The following FAM13A variants were observed in gnomAD, a reference collection of about 807,000 sequenced individuals.
FAM13A encodes protein FAM13A.
Under a neutral mutation model 129.6 loss-of-function variants are expected in FAM13A, and 76 were observed. That is an observed-to-expected ratio of 0.59 (90% CI 0.49 to 0.71). The LOEUF (loss-of-function observed/expected upper bound fraction) is 0.71. Among genes scored for constraint, FAM13A ranks in the 30% least tolerant of loss-of-function variants. The probability of loss-of-function intolerance (pLI) is 0.00; values close to 1 mark genes in which losing one functional copy is unlikely to be tolerated. For synonymous variants in FAM13A, 443 were observed against 449.9 expected, an observed-to-expected ratio of 0.98 and a Z score of 0.20; for missense variants, 1,108 against 1,249.3, an observed-to-expected ratio of 0.89 and a Z score of 1.70.
At chr4:88,782,073 A>G (rs1239499083) in intron 10 of FAM13A, among the ~76,000 whole-genome samples, 1 of 152,082 alleles carries the variant, frequency 6.6e-6, no homozygotes, top group African/African-American at 2.4e-5. Context: ...AGATAATCTT[A>G]GTAGAAATTA....
At chr4:88,986,182 G>A (rs1415899937) in intron 4 of FAM13A, among the ~76,000 whole-genome samples, 1 of 149,654 alleles carries the variant, frequency 6.7e-6, no homozygotes, top group Non-Finnish European at 1.5e-5. Flanking sequence ...CTCCCAGGCT[G>A]GAGTGCAGTG....
At chr4:88,922,531 C>A (rs981790084) in intron 5 of FAM13A, among the ~76,000 whole-genome samples, 146 of 152,068 alleles carry the variant, frequency 9.6e-4, no homozygotes, top group Admixed American at 1.9e-3. Context: ...ATACCAGAAT[C>A]TCTGGGACAC....
chr4:88,907,782 T>C (rs749183131), intron 5 of FAM13A, among the ~76,000 whole-genome samples: 8 of 152,236 alleles, frequency 5.3e-5, no homozygotes, highest in Non-Finnish European at 1.2e-4. Context: ...ATCTCCGATA[T>C]ACCATACTTG....
chr4:89,056,844 A>G, intron 1 of FAM13A, 94 bp downstream of exon 1: 1 of 1,233,554 alleles, frequency 8.1e-7, no homozygotes, highest in Non-Finnish European at 1.2e-6. Flanking sequence ...AAGGAAAAAT[A>G]AGTTACACAA....
intron 1 of FAM13A, among the ~76,000 whole-genome samples, chr4:89,032,244 CAA>C (rs778575945): frequency 4.5e-5 from 6 of 133,518 alleles, no homozygotes; most frequent in African/African-American, 2.7e-5. Context: ...GACTCCGTCT[CAA>C]AAAAAAAAAA....
chr4:88,796,117 G>A (rs1237813202), intron 8 of FAM13A, among the ~76,000 whole-genome samples: 1 of 151,746 alleles, frequency 6.6e-6, no homozygotes, highest in Non-Finnish European at 1.5e-5. Flanking sequence ...TTCTGAATGT[G>A]TGGCTGATTT....
chr4:88,914,222 T>C (rs965464067), intron 5 of FAM13A, among the ~76,000 whole-genome samples: 1 of 152,182 alleles, frequency 6.6e-6, no homozygotes, highest in South Asian at 2.1e-4. Context: ...ATCATAACCA[T>C]CATTGTTCAC....
intron 20 of FAM13A, 133 bp from the exon 21 acceptor site, chr4:88,737,688 C>T (rs1210771302): frequency 1.4e-6 from 1 of 722,404 alleles, no homozygotes; most frequent in Non-Finnish European, 2.4e-6. Flanking sequence ...GCCAAACACT[C>T]CCAGGAAAAC....
At position 88,747,013 on chromosome 4, in the gene FAM13A, A is replaced by G; in HGVS notation, c.2385T>C (p.Asp795=). The change falls in exon 19 of 24, where the codon GAT becomes GAC. Residue 795 remains aspartate, a splice_region_variant and synonymous_variant. Transcript: ENST00000264344. Reference sequence around the variant, plus strand: ...CATTAGCAATCTGGTCTTTGGTCATATCCTGTATAAACACAGGGATAGAGA... The same window carrying G: ...CATTAGCAATCTGGTCTTTGGTCATGTCCTGTATAAACACAGGGATAGAGA... ...AESSRPEDIK[D]MTKDQIANEK... is the part of the protein sequence containing the mutation. 1 of 1,601,464 alleles carries G rather than the reference A, an allele frequency of 6.2e-7. No individual in the cohort carries two copies. Among genetic ancestry groups the G allele is most frequent in the Non-Finnish European group, 8.6e-7 (1 of 1,168,496 alleles).
intron 4 of FAM13A, among the ~76,000 whole-genome samples, chr4:88,947,440 A>C (rs1426127947): frequency 6.6e-6 from 1 of 152,116 alleles, no homozygotes; most frequent in African/African-American, 2.4e-5. Flanking sequence ...ACAGAAATGA[A>C]GTCGCCCATG....
At chr4:88,775,448 G>C (rs1245491775) in intron 11 of FAM13A, among the ~76,000 whole-genome samples, 1 of 152,154 alleles carries the variant, frequency 6.6e-6, no homozygotes, top group African/African-American at 2.4e-5. Flanking sequence ...CGTCACTCCT[G>C]TAATCCCAGC....
chr4:88,878,204 T>C (rs556226782), intron 6 of FAM13A, among the ~76,000 whole-genome samples: 41 of 140,210 alleles, frequency 2.9e-4, no homozygotes, highest in East Asian at 1.5e-3. Context: ...AGGAGAATGG[T>C]GTGAACCCGG....
intron 6 of FAM13A, among the ~76,000 whole-genome samples, chr4:88,881,609 T>C (rs1372655699): frequency 1.3e-5 from 2 of 151,962 alleles, no homozygotes; most frequent in Non-Finnish European, 2.9e-5. Context: ...TCACCAGGAA[T>C]TGATCCAAAA....
chr4:88,787,452 T>C (rs1430998815), intron 10 of FAM13A, among the ~76,000 whole-genome samples: 1 of 152,118 alleles, frequency 6.6e-6, no homozygotes, highest in Non-Finnish European at 1.5e-5. Flanking sequence ...TCTCTGCCCA[T>C]GGTTCAGAAT....
chr4:88,787,751 A>T lies in FAM13A; in HGVS notation c.1271+2T>A. 6.2e-7 allele frequency: 1 copy of T among 1,610,690 alleles called. No individual in the cohort carries two copies. Among genetic ancestry groups the T allele is most frequent in the Non-Finnish European group, 8.5e-7 (1 of 1,178,766 alleles). The stretch of plus-strand genomic sequence containing the variant: ...TAAGAGGAAGAATCAATGCCAACTC[A>T]CTTGTCTCTCCCATGTCGAACTTCA... On this transcript the variant is annotated splice_donor_variant, in intron 10 of 23. Transcript: ENST00000264344. LOFTEE classifies it high-confidence loss of function.
Position 88,877,369 on chromosome 4 carries a change from T to A in FAM13A, c.844-26186A>T, listed in dbSNP as rs186415999. ...GCCAAAATTGTTTGACCAAACAGTA[T>A]TTATCATACTGAATAACATTGTAAC... On this transcript the variant is annotated intron_variant, in intron 6 of 23. Transcript: ENST00000264344. 4.3e-3 allele frequency among the ~76,000 whole-genome samples: 648 copies of A among 152,334 alleles called. 4 individuals carry two copies. Among genetic ancestry groups the A allele is most frequent in the African/African-American group, 0.015 (615 of 41,576 alleles).
intron 3 of FAM13A, among the ~76,000 whole-genome samples, chr4:89,004,565 C>T (rs1326591837): frequency 6.6e-6 from 1 of 152,192 alleles, no homozygotes; most frequent in Non-Finnish European, 1.5e-5. Flanking sequence ...CCTTTTCCTT[C>T]TCCTTTCTAA....
chr4:88,999,145 G>A (rs1308462601), intron 3 of FAM13A, among the ~76,000 whole-genome samples: 1 of 152,116 alleles, frequency 6.6e-6, no homozygotes, highest in Non-Finnish European at 1.5e-5. Flanking sequence ...AGGCCTGCAG[G>A]AAGAACAAAG....
intron 5 of FAM13A, among the ~76,000 whole-genome samples, chr4:88,916,579 G>T (rs1750157528): frequency 6.6e-6 from 1 of 152,020 alleles, no homozygotes; most frequent in Non-Finnish European, 1.5e-5. Context: ...TTATTTATTT[G>T]CACAGAGGTT....
Sources: gnomAD v4.1 joint callset for allele counts (sites outside exome capture counted in the v4.1 genomes callset) on GRCh38, gnomAD v4.1.1 for gene constraint, MANE v1.5 for transcripts, NCBI Gene and HGNC (gene_info 2026-07-23, HGNC 2026-07-21) for gene names.